CACNB4: variants seen among roughly 807,000 people sequenced by gnomAD.
The protein encoded by CACNB4 is voltage-dependent L-type calcium channel subunit beta-4.
In CACNB4, 32 loss-of-function variants were observed where a neutral mutation model predicts 71.2. That is an observed-to-expected ratio of 0.45 (90% CI 0.34 to 0.60). The LOEUF (loss-of-function observed/expected upper bound fraction) is 0.60. Among genes scored for constraint, CACNB4 ranks in the 20% least tolerant of loss-of-function variants. The probability of loss-of-function intolerance (pLI) is 0.01; values close to 1 mark genes in which losing one functional copy is unlikely to be tolerated. For missense variants in CACNB4, 464 were observed against 647.9 expected, an observed-to-expected ratio of 0.72 and a Z score of 3.08; for synonymous variants, 231 against 236.9, an observed-to-expected ratio of 0.97 and a Z score of 0.23.
chr2:152,071,596 G>A (rs199840394), intron 2 of CACNB4, among the ~76,000 whole-genome samples: 2 of 152,160 alleles, frequency 1.3e-5, no homozygotes, highest in East Asian at 1.9e-4. Context: ...CTAGTCAAGG[G>A]AAACCTAAGA....
intron 2 of CACNB4, among the ~76,000 whole-genome samples, chr2:151,955,708 C>A (rs2151678553): frequency 6.6e-6 from 1 of 152,120 alleles, no homozygotes; most frequent in Non-Finnish European, 1.5e-5. Flanking sequence ...GAGTTTGAAC[C>A]AGCCCCGGCA....
intron 2 of CACNB4, among the ~76,000 whole-genome samples, chr2:151,955,953 A>C (rs2099868148): frequency 6.6e-6 from 1 of 152,192 alleles, no homozygotes; most frequent in African/African-American, 2.4e-5. Context: ...GAGCAATTCA[A>C]AGTCTATAAA....
intron 2 of CACNB4, among the ~76,000 whole-genome samples, chr2:151,977,230 A>G (rs1020916008): frequency 1.3e-5 from 2 of 152,136 alleles, no homozygotes; most frequent in African/African-American, 4.8e-5. Flanking sequence ...ACTCTTTTCC[A>G]GTTATCTCTC....
At chr2:151,869,126 A>C (rs1423629734) in intron 9 of CACNB4, 51 bp downstream of exon 9, 1 of 1,041,138 alleles carries the variant, frequency 9.6e-7, no homozygotes, top group Non-Finnish European at 1.5e-6. Flanking sequence ...AATTTATCAC[A>C]CAAGTTTGGT....
chr2:152,021,665 T>A (rs1683674970), intron 2 of CACNB4, among the ~76,000 whole-genome samples: 1 of 152,240 alleles, frequency 6.6e-6, no homozygotes, highest in Non-Finnish European at 1.5e-5. Flanking sequence ...CGTATGTAAA[T>A]CAATGATGCT....
Position 152,098,937 on chromosome 2 carries a change from AG to A in CACNB4, c.63+11del. 2.2e-6 allele frequency: 2 copies of A among 909,282 alleles called. No individual in the cohort carries two copies. Among genetic ancestry groups the A allele is most frequent in the African/African-American group, 3.3e-5 (1 of 30,520 alleles). 56.3% of individuals were successfully genotyped at this position (909,282 alleles called of 1,614,324 possible). ...GAGGAGGAAGAGGAGAAGGGGGAGG[AG>A]GGGGCGGTACCTGCGAGGTGGGGGA... On this transcript the variant is annotated intron_variant, in intron 1 of 13. Coordinates refer to ENST00000539935, the MANE Select transcript of CACNB4 (RefSeq NM_000726.5). This position sits in a 1 kb window ranked among gnomAD's most constrained non-coding sequence, Gnocchi z 5.3.
At chr2:151,878,580 C>CACACACACACACACAG (rs1209836611) in intron 4 of CACNB4, among the ~76,000 whole-genome samples, 1 of 136,038 alleles carries the variant, frequency 7.4e-6, no homozygotes, top group Non-Finnish European at 1.7e-5. Flanking sequence ...CACACACACA[C>CACACACACACACACAG]AGTTAGCTGG....
At position 151,860,731 on chromosome 2, in the gene CACNB4, G is replaced by A. The variant is rs373610756; in HGVS notation, c.848C>T (p.Ser283Leu). 8.7e-6 allele frequency: 14 copies of A among 1,612,542 alleles called. No homozygotes were observed. The African/African-American group carries it at 1.1e-4, about 12-fold the overall frequency. Residue 283 changes from serine to leucine, a missense_variant, in exon 10 of 14, where the codon TCG becomes TTG. Physicochemically the swap from Ser to Leu is moderately radical, Grantham distance 145. Around this residue, in one of 3 missense-constraint regions of CACNB4, gnomAD observed 299 missense variants for 471.7 expected, o/e 0.63. Transcript: ENST00000539935. ...CTTACCTAAGCTGGACCGGGTGTTC[G>A]AACGTTCAATTATTGCTCTCTTGCT... The part of the protein sequence containing the change: ...NPSKRAIIER[S>L]NTRSSLAEVQ...
At chr2:151,960,679 G>C (rs7558481) in intron 2 of CACNB4, among the ~76,000 whole-genome samples, 73,771 of 152,090 alleles carry the variant, frequency 0.49, 20,619 homozygotes, top group Non-Finnish European at 0.64. Context: ...CACCAGTCAA[G>C]GGTTAGTGCT....
intron 2 of CACNB4, among the ~76,000 whole-genome samples, chr2:152,062,309 T>TCAGC (rs1189441977): frequency 6.6e-6 from 1 of 152,018 alleles, no homozygotes; most frequent in African/African-American, 2.4e-5. Context: ...GAACATCCCC[T>TCAGC]CAGCCAGAGG....
intron 2 of CACNB4, among the ~76,000 whole-genome samples, chr2:151,988,010 T>A (rs1369613572): frequency 6.6e-6 from 1 of 152,234 alleles, no homozygotes; most frequent in Non-Finnish European, 1.5e-5. Context: ...CACTCCCATT[T>A]TCTTACCAAG....
intron 2 of CACNB4, among the ~76,000 whole-genome samples, chr2:152,086,928 C>T (rs1282689568): frequency 1.3e-5 from 2 of 151,956 alleles, no homozygotes; most frequent in East Asian, 1.9e-4. Flanking sequence ...ATTGGGAGTT[C>T]GAGACCAGCC....
At chr2:151,984,121 G>A (rs1017321370) in intron 2 of CACNB4, among the ~76,000 whole-genome samples, 7 of 152,116 alleles carry the variant, frequency 4.6e-5, no homozygotes, top group African/African-American at 1.7e-4. Context: ...AATGCCCCCT[G>A]AATTTACTGG....
At chr2:151,903,228 T>C (rs959979067) in intron 2 of CACNB4, among the ~76,000 whole-genome samples, 5 of 152,136 alleles carry the variant, frequency 3.3e-5, no homozygotes, top group African/African-American at 1.2e-4. Flanking sequence ...TTCATTTACT[T>C]TGAGGCCGGG....
chr2:151,946,097 G>A (rs2099865526), intron 2 of CACNB4, among the ~76,000 whole-genome samples: 1 of 152,094 alleles, frequency 6.6e-6, no homozygotes, highest in African/African-American at 2.4e-5. Flanking sequence ...GGGAGGCGAA[G>A]GCTGGTAGAT....
chr2:151,962,596 CA>C (rs2099869943), intron 2 of CACNB4, among the ~76,000 whole-genome samples: 1 of 152,328 alleles, frequency 6.6e-6, no homozygotes, highest in South Asian at 2.1e-4. Context: ...CCAAACGTAG[CA>C]GTAACTTGCA....
intron 2 of CACNB4, among the ~76,000 whole-genome samples, chr2:151,981,687 A>G (rs553917635): frequency 2.0e-5 from 3 of 152,314 alleles, no homozygotes; most frequent in East Asian, 3.9e-4. Context: ...TGTTTTACTC[A>G]TCTTGTTGAT....
chr2:151,927,654 A>G (rs986194561), intron 2 of CACNB4, among the ~76,000 whole-genome samples: 2 of 152,246 alleles, frequency 1.3e-5, no homozygotes, highest in Non-Finnish European at 2.9e-5. Context: ...CTTGAGATCA[A>G]TGATCACGAA....
chr2:151,853,418 A>G, intron 12 of CACNB4, 30 bp downstream of exon 12: 1 of 1,382,820 alleles, frequency 7.2e-7, no homozygotes. Context: ...CTAGTCAAGA[A>G]TGATGAAGAC....
Sources: allele counts gnomAD v4.1 joint callset (sites outside exome capture counted in the v4.1 genomes callset), GRCh38; gene constraint gnomAD v4.1.1; regional missense constraint gnomAD v4.1.1; non-coding constraint Gnocchi (gnomAD v3.1); transcripts MANE v1.5; gene names NCBI Gene and HGNC (gene_info 2026-07-23, HGNC 2026-07-21).